The following MYO3A variants were observed in gnomAD, a reference collection of about 807,000 sequenced individuals.
MYO3A encodes myosin IIIA.
MYO3A carries 180 observed loss-of-function variants against 192.7 expected under a neutral mutation model. That is an observed-to-expected ratio of 0.93 (90% CI 0.83 to 1.06). The LOEUF (loss-of-function observed/expected upper bound fraction) is 1.06, where lower values mean the gene tolerates loss of function less well. MYO3A is among the 50% of genes least tolerant of loss of function. The probability of loss-of-function intolerance (pLI) is 0.00; values close to 1 mark genes in which losing one functional copy is unlikely to be tolerated. For synonymous variants in MYO3A, 628 were observed against 645.3 expected, an observed-to-expected ratio of 0.97 and a Z score of 0.41; for missense variants, 1,896 against 1,905.0, an observed-to-expected ratio of 1.00 and a Z score of 0.09.
intron 10 of MYO3A, among the ~76,000 whole-genome samples, chr10:26,031,547 T>C (rs1842802036): frequency 6.6e-6 from 1 of 152,242 alleles, no homozygotes; most frequent in Non-Finnish European, 1.5e-5. Flanking sequence ...TTCCAGTTTC[T>C]ATGTGAGAGG....
intron 24 of MYO3A, among the ~76,000 whole-genome samples, 164 bp downstream of exon 24, chr10:26,154,093 A>C (rs1159870039): frequency 1.3e-5 from 2 of 152,168 alleles, no homozygotes; most frequent in Non-Finnish European, 2.9e-5. Context: ...TGTTACTGCT[A>C]GGGGCTAAAA....
At chr10:25,938,764 A>G (rs1281814718) in intron 2 of MYO3A, among the ~76,000 whole-genome samples, 1 of 152,194 alleles carries the variant, frequency 6.6e-6, no homozygotes, top group African/African-American at 2.4e-5. Flanking sequence ...TTCTATATCA[A>G]TGAGGCAATT....
chr10:26,078,817 G>A lies in MYO3A; in HGVS notation c.1359+8416G>A, dbSNP rs149105395. On this transcript the variant is annotated intron_variant, in intron 14 of 34. Transcript: ENST00000642920. The stretch of plus-strand genomic sequence containing the variant: ...GATTTCCATGTATTTGCATGATTTT[G>A]AAGGTTTCTTTTGGAGTTGATTTCC... Among the ~76,000 whole-genome samples the A allele has an allele frequency of 4.1e-3, 626 of 152,200 alleles. 3 individuals carry two copies. Among genetic ancestry groups the A allele is most frequent in the African/African-American group, 0.014 (598 of 41,538 alleles).
At chr10:25,972,887 A>G (rs1237161732) in intron 4 of MYO3A, among the ~76,000 whole-genome samples, 1 of 152,138 alleles carries the variant, frequency 6.6e-6, no homozygotes, top group Non-Finnish European at 1.5e-5. Flanking sequence ...ATTGTTTCAC[A>G]ATCTGATTCA....
chr10:26,085,764 C>T (rs998287777), intron 14 of MYO3A, among the ~76,000 whole-genome samples: 1 of 152,210 alleles, frequency 6.6e-6, no homozygotes, highest in Non-Finnish European at 1.5e-5. Context: ...GGTCTCCAGT[C>T]GCAATGACTG....
chr10:26,039,450 TGAG>T (rs952710963), intron 10 of MYO3A, among the ~76,000 whole-genome samples: 6 of 152,150 alleles, frequency 3.9e-5, no homozygotes, highest in African/African-American at 1.2e-4. Context: ...CAGAATAGTT[TGAG>T]GAGGATTGGC....
chr10:26,125,707 T>C, intron 19 of MYO3A, 99 bp downstream of exon 19: 1 of 1,021,326 alleles, frequency 9.8e-7, no homozygotes, highest in South Asian at 1.4e-5. Flanking sequence ...AAGATGTTTC[T>C]ATAATTGATG....
At chr10:26,171,403 G>A (rs1363234259) in intron 29 of MYO3A, among the ~76,000 whole-genome samples, 2 of 152,030 alleles carry the variant, frequency 1.3e-5, no homozygotes, top group African/African-American at 2.4e-5. Context: ...CACATCTAAC[G>A]TTCTCTTCAC....
chr10:26,111,463 T>G (rs537459167), intron 17 of MYO3A, among the ~76,000 whole-genome samples: 20 of 152,248 alleles, frequency 1.3e-4, no homozygotes, highest in Admixed American at 8.5e-4. Flanking sequence ...CCCTACCCTT[T>G]CCTAGGCATG....
At chr10:26,199,652 C>T (rs762571126) in intron 32 of MYO3A, among the ~76,000 whole-genome samples, 5 of 151,504 alleles carry the variant, frequency 3.3e-5, no homozygotes, top group East Asian at 1.9e-4. Flanking sequence ...TCTAGGAATT[C>T]GTGTAACTGA....
intron 6 of MYO3A, among the ~76,000 whole-genome samples, chr10:26,011,548 C>T (rs1473617773): frequency 6.6e-6 from 1 of 152,082 alleles, no homozygotes; most frequent in Non-Finnish European, 1.5e-5. Context: ...TGTAAGCATA[C>T]AACCCTCCTA....
chr10:26,149,681 T>TA (rs1840687679), intron 23 of MYO3A, among the ~76,000 whole-genome samples: 1 of 152,162 alleles, frequency 6.6e-6, no homozygotes, highest in East Asian at 1.9e-4. Flanking sequence ...CATTTGGAAA[T>TA]ATACGTACAT....
intron 4 of MYO3A, among the ~76,000 whole-genome samples, chr10:25,957,106 C>G (rs967965756): frequency 3.3e-5 from 5 of 152,046 alleles, no homozygotes; most frequent in African/African-American, 1.2e-4. Context: ...GTATATGTAC[C>G]ACATTTTCTT....
intron 14 of MYO3A, among the ~76,000 whole-genome samples, chr10:26,072,642 G>A (rs908446311): frequency 1.3e-5 from 2 of 151,452 alleles, no homozygotes; most frequent in South Asian, 4.2e-4. Context: ...AGGGAACTCA[G>A]ATAAAACAAA....
intron 17 of MYO3A, among the ~76,000 whole-genome samples, chr10:26,113,245 C>T (rs12415788): frequency 0.012 from 1,828 of 152,028 alleles, 79 homozygotes; most frequent in Admixed American, 0.069. Flanking sequence ...CTGAGGCGGG[C>T]GGATTGCCTG....
intron 23 of MYO3A, among the ~76,000 whole-genome samples, chr10:26,149,486 C>T (rs763626693): frequency 2.0e-5 from 3 of 152,180 alleles, no homozygotes; most frequent in Non-Finnish European, 2.9e-5. Context: ...CCACCCGCCT[C>T]GGCCTCCCAA....
At position 26,173,914 on chromosome 10, in the gene MYO3A, C is replaced by G; in HGVS notation, c.3650C>G (p.Ser1217Cys). The change falls in exon 30 of 35, where the codon TCT becomes TGT. Residue 1217 changes from serine to cysteine, a missense_variant. Ser to Cys is a moderately radical substitution (Grantham distance 112, BLOSUM62 -1). Coordinates refer to ENST00000642920, the MANE Select transcript of MYO3A (RefSeq NM_017433.5). ...CCAGAAGTAAGCCCCAAACAGAAGT[C>G]TGTCAAAGACCTGGAAGAGAACAGC... ...VGPEVSPKQK[S>C]VKDLEENSNL... 6.2e-7 allele frequency: 1 copy of G among 1,613,430 alleles called. No individual in the cohort carries two copies. The highest frequency in any genetic ancestry group is 1.1e-5 in the South Asian group (1 of 90,870).
At chr10:26,030,390 T>A (rs1842751703) in intron 10 of MYO3A, among the ~76,000 whole-genome samples, 1 of 152,130 alleles carries the variant, frequency 6.6e-6, no homozygotes, top group Non-Finnish European at 1.5e-5. Flanking sequence ...AGGTGGGAGT[T>A]GAACTTGAAT....
intron 31 of MYO3A, among the ~76,000 whole-genome samples, chr10:26,188,674 T>G (rs981239758): frequency 6.6e-6 from 1 of 152,178 alleles, no homozygotes; most frequent in Non-Finnish European, 1.5e-5. Flanking sequence ...TAAGGTGTAA[T>G]GAAGGGATCC....
Sources: gnomAD v4.1 joint callset for allele counts (sites outside exome capture counted in the v4.1 genomes callset) on GRCh38, gnomAD v4.1.1 for gene constraint, MANE v1.5 for transcripts, NCBI Gene and HGNC (gene_info 2026-07-23, HGNC 2026-07-21) for gene names.